Variants in NPIPB8 observed in about 807,000 individuals in gnomAD.
NPIPB8 encodes the protein nuclear pore complex interacting protein family member B8.
Under a neutral mutation model 5.3 loss-of-function variants are expected in NPIPB8, and 3 were observed. That is an observed-to-expected ratio of 0.57 (90% CI 0.26 to 1.47). The LOEUF is 1.47. NPIPB8 is among the 40% of genes most tolerant of loss of function. The pLI is 0.13. For missense variants in NPIPB8, 50 were observed against 50.2 expected (o/e 1.00, Z 0.01); for synonymous variants, 18 against 23.0 (o/e 0.78, Z 0.62).
intron 5 of NPIPB8, among the ~76,000 whole-genome samples, chr16:28,652,956 T>G (rs903024755): frequency 7.6e-6 from 1 of 130,872 alleles, no homozygotes; most frequent in African/African-American, 3.0e-5. Context: ...TCGCCCAGGC[T>G]GGAGTGCTAT....
chr16:28,639,827 C>T (rs1403741033), intron 2 of NPIPB8, among the ~76,000 whole-genome samples: 3 of 150,270 alleles, frequency 2.0e-5, no homozygotes, highest in Non-Finnish European at 4.4e-5. Flanking sequence ...TAGTTTTACC[C>T]TGTTTAAAAA....
At chr16:28,653,168 G>T (rs1255322457) in intron 5 of NPIPB8, among the ~76,000 whole-genome samples, 1 of 110,458 alleles carries the variant, frequency 9.1e-6, no homozygotes, top group Middle Eastern at 3.7e-3. Context: ...CGCCTCCCAG[G>T]TTCAAGTGAT....
intron 2 of NPIPB8, chr16:28,644,590 A>G (rs776698778): frequency 1.3e-5 from 19 of 1,507,832 alleles, no homozygotes; most frequent in Non-Finnish European, 1.7e-5. Context: ...GGACCAGGAC[A>G]TGCGGCTGCG....
intron 5 of NPIPB8, among the ~76,000 whole-genome samples, chr16:28,652,745 G>A (rs982469403): frequency 3.0e-5 from 4 of 133,994 alleles, no homozygotes; most frequent in Admixed American, 7.4e-5. Flanking sequence ...GGGATTACAG[G>A]TGCCCACCAC....
At chr16:28,643,269 CCA>C (rs2047939024) in intron 2 of NPIPB8, among the ~76,000 whole-genome samples, 2 of 141,096 alleles carry the variant, frequency 1.4e-5, no homozygotes, top group Non-Finnish European at 3.1e-5. Context: ...AATTTAAAGT[CCA>C]CACACACAGG....
rs542289812 is a variant in NPIPB8 at position 28,640,854 on chromosome 16, C to G, written c.120+2374C>G. Among the ~76,000 whole-genome samples, 279 of 152,076 alleles carry G rather than the reference C, an allele frequency of 1.8e-3. 1 individual carries two copies. The highest frequency in any genetic ancestry group is 6.2e-3 in the African/African-American group (257 of 41,458). On this transcript the variant is annotated intron_variant, in intron 2 of 7. Coordinates refer to ENST00000683297, the MANE Select transcript of NPIPB8 (RefSeq NM_001310136.2). ...GTAAATCTCTGACTGCCTCAGTTAC[C>G]CCATATGATAGTTTTGAGGATGGGA...
In NPIPB8 at chr16:28,645,107, G is replaced by T. The variant is rs1175798781; in HGVS notation, c.121-3028G>T. ...CGCCCAGGCTGGAGTGCAGTGGCAA[G>T]ATCTCGGCTCACTGCAACCTCCGCT... On this transcript the variant is annotated intron_variant, in intron 2 of 7. Coordinates refer to ENST00000683297, the MANE Select transcript of NPIPB8 (RefSeq NM_001310136.2). 7.2e-5 allele frequency among the ~76,000 whole-genome samples: 9 copies of T among 124,932 alleles called. 1 individual carries two copies. In the East Asian group the frequency reaches 1.7e-3, roughly 24 times the overall value. The allele number at this position is 124,932 out of a possible 152,430, so 82.0% of individuals were successfully genotyped here. A position where few individuals can be genotyped will look rare whatever the true frequency, so the allele number is the denominator to read the frequency against.
chr16:28,639,701 C>G (rs78956115), intron 2 of NPIPB8, among the ~76,000 whole-genome samples: 109,601 of 127,998 alleles, frequency 0.86, 46,298 homozygotes, highest in East Asian at 0.98. Context: ...GATCTGCCCA[C>G]CGTGGCCTCC....
At position 28,641,243 on chromosome 16, in the gene NPIPB8, C is replaced by T. The variant is rs568944282; in HGVS notation, c.120+2763C>T. Among the ~76,000 whole-genome samples the T allele has an allele frequency of 1.7e-3, 262 of 151,388 alleles. 1 individual carries two copies. The highest frequency in any genetic ancestry group is 4.6e-3 in the African/African-American group (189 of 41,214). ...CCCCAGGTGTGAGCCTGTACCCTGC[C>T]GGAGCATGAGGCAAGGGACAGGGCA... On this transcript the variant is annotated intron_variant, in intron 2 of 7. Transcript: ENST00000683297.
At chr16:28,644,600 G>C (rs760729255) in intron 2 of NPIPB8, 26 of 1,514,752 alleles carry the variant, frequency 1.7e-5, no homozygotes, top group African/African-American at 3.2e-5. Flanking sequence ...ATGCGGCTGC[G>C]CTTTTGGCTC....
Position 28,652,768 on chromosome 16 carries a change from AT to A in NPIPB8, c.599+409del, listed in dbSNP as rs1170899949. 1.6e-4 allele frequency among the ~76,000 whole-genome samples: 22 copies of A among 136,232 alleles called. No homozygotes were observed. The Middle Eastern group carries it at 0.011, about 67-fold the overall frequency. The allele number at this position is 136,232 out of a possible 152,430, so 89.4% of individuals were successfully genotyped here. On this transcript the variant is annotated intron_variant, in intron 5 of 7. Coordinates refer to ENST00000683297, the MANE Select transcript of NPIPB8 (RefSeq NM_001310136.2). ...AGGTGCCCACCACCATGCCCAGCTAATTTTTGTATTTTTACTAGAGATGGGG... is the reference window on the plus strand; with the variant it reads ...AGGTGCCCACCACCATGCCCAGCTAATTTTGTATTTTTACTAGAGATGGGG...
intron 2 of NPIPB8, among the ~76,000 whole-genome samples, chr16:28,644,415 T>G (rs2047958235): frequency 3.8e-5 from 1 of 26,330 alleles, no homozygotes; most frequent in Non-Finnish European, 7.1e-5. Flanking sequence ...TCCCTTCCCT[T>G]ACTTCCCCCC....
upstream of NPIPB8, chr16:28,637,905 G>A (rs1381891556): frequency 2.5e-6 from 1 of 408,050 alleles, no homozygotes; most frequent in Non-Finnish European, 3.7e-6. Context: ...ATTAAATAGG[G>A]TTATAATTAG....
At chr16:28,643,051 T>C (rs2047934173) in intron 2 of NPIPB8, among the ~76,000 whole-genome samples, 1 of 151,950 alleles carries the variant, frequency 6.6e-6, no homozygotes, top group Non-Finnish European at 1.5e-5. Context: ...GGGTCTGTCC[T>C]GGTCACCAGA....
At chr16:28,639,205 G>C (rs952082972) in intron 2 of NPIPB8, among the ~76,000 whole-genome samples, 1 of 144,876 alleles carries the variant, frequency 6.9e-6, no homozygotes, top group Non-Finnish European at 1.5e-5. Context: ...TTGAATAAAA[G>C]AATTAACCAC....
Position 28,638,325 on chromosome 16 carries a change from T to C in NPIPB8, c.-36T>C, listed in dbSNP as rs751465198. ...TTTTTTTCTTAATTGTCTAATAGGT[T>C]GGCACTCATCATGAGCCCCTGTTCT... On this transcript the variant is annotated splice_region_variant and 5_prime_UTR_variant, in exon 2 of 8. Transcript: ENST00000683297. 49 of 1,560,850 alleles carry C rather than the reference T, an allele frequency of 3.1e-5. No homozygotes were observed. The highest frequency in any genetic ancestry group is 3.7e-5 in the Non-Finnish European group (43 of 1,160,778).
At chr16:28,639,018 A>C (rs368539400) in intron 2 of NPIPB8, among the ~76,000 whole-genome samples, 9 of 149,776 alleles carry the variant, frequency 6.0e-5, no homozygotes, top group African/African-American at 2.0e-4. Context: ...TTAGTGGGCC[A>C]AGATCACGCC....
At chr16:28,643,058 C>G (rs2047934336) in intron 2 of NPIPB8, among the ~76,000 whole-genome samples, 1 of 151,878 alleles carries the variant, frequency 6.6e-6, no homozygotes, top group Admixed American at 6.6e-5. Context: ...TCCTGGTCAC[C>G]AGACCCCTGG....
intron 2 of NPIPB8, among the ~76,000 whole-genome samples, chr16:28,640,165 C>G (rs1465307230): frequency 6.6e-6 from 1 of 152,018 alleles, no homozygotes; most frequent in Non-Finnish European, 1.5e-5. Context: ...AGTTCATGTT[C>G]TGACGGCAGG....
Sources: gnomAD v4.1 joint callset for allele counts (sites outside exome capture counted in the v4.1 genomes callset) on GRCh38, gnomAD v4.1.1 for gene constraint, MANE v1.5 for transcripts, NCBI Gene and HGNC (gene_info 2026-07-23, HGNC 2026-07-21) for gene names.